ABLIM1: variants seen among roughly 807,000 people sequenced by gnomAD.
The protein encoded by ABLIM1 is actin-binding LIM protein 1.
ABLIM1 carries 40 observed loss-of-function variants against 107.0 expected under a neutral mutation model. The observed-to-expected ratio is 0.37, with a 90% CI of 0.29 to 0.49. The LOEUF (loss-of-function observed/expected upper bound fraction) is 0.49, where lower values mean the gene tolerates loss of function less well. Ranked by LOEUF, ABLIM1 falls within the 20% of genes least tolerant of loss-of-function variation. ABLIM1 has a pLI of 0.97. For missense variants in ABLIM1, 857 were observed against 1,008.5 expected, an observed-to-expected ratio of 0.85 and a Z score of 2.04; for synonymous variants, 357 against 357.3, an observed-to-expected ratio of 1.00 and a Z score of 0.01.
intron 1 of ABLIM1, among the ~76,000 whole-genome samples, chr10:114,640,724 C>A (rs1173955205): frequency 1.3e-5 from 2 of 152,038 alleles, no homozygotes; most frequent in African/African-American, 2.4e-5. Flanking sequence ...ATTGGCTTTG[C>A]ACAATAAAAG....
At chr10:114,694,909 G>T (rs2081164183) in intron 1 of ABLIM1, among the ~76,000 whole-genome samples, 1 of 152,152 alleles carries the variant, frequency 6.6e-6, no homozygotes, top group Admixed American at 6.5e-5. Flanking sequence ...ACATTGAGCC[G>T]CAGCAGCGCC....
At chr10:114,767,135 C>CAT (rs10651245) in intron 1 of ABLIM1, among the ~76,000 whole-genome samples, 113,497 of 151,780 alleles carry the variant, frequency 0.75, 42,816 homozygotes, top group African/African-American at 0.84. Context: ...TTATCCAACA[C>CAT]GTTATCAAAT....
At chr10:114,683,285 A>G (rs1442749527) in intron 1 of ABLIM1, among the ~76,000 whole-genome samples, 1 of 152,244 alleles carries the variant, frequency 6.6e-6, no homozygotes, top group Non-Finnish European at 1.5e-5. Context: ...TCGTCTTTCC[A>G]GTAAACGTCC....
intron 6 of ABLIM1, among the ~76,000 whole-genome samples, chr10:114,536,272 A>G (rs2137148481): frequency 2.0e-5 from 2 of 99,442 alleles, no homozygotes; most frequent in Non-Finnish European, 1.8e-5. Flanking sequence ...TTTGAGATGG[A>G]GTCTCACTCT....
chr10:114,521,224 T>A (rs1359062738), intron 6 of ABLIM1, among the ~76,000 whole-genome samples: 1 of 152,214 alleles, frequency 6.6e-6, no homozygotes, highest in Non-Finnish European at 1.5e-5. Flanking sequence ...GGCTGTATAA[T>A]CTGCGCTACC....
At chr10:114,676,215 A>G (rs1474992875) in intron 1 of ABLIM1, among the ~76,000 whole-genome samples, 2 of 152,238 alleles carry the variant, frequency 1.3e-5, no homozygotes, top group Non-Finnish European at 2.9e-5. Context: ...GCGATGGCTC[A>G]CGCCTCTAAT....
chr10:114,734,913 G>A lies in ABLIM1; in HGVS notation c.-213+33148C>T, dbSNP rs547473587. 2.5e-4 allele frequency among the ~76,000 whole-genome samples: 38 copies of A among 152,258 alleles called. 1 individual carries two copies. Among genetic ancestry groups the A allele is most frequent in the Non-Finnish European group, 5.1e-4 (35 of 68,014 alleles). On this transcript the variant is annotated intron_variant, in intron 1 of 15. Transcript: ENST00000651092. Reference sequence around the variant, plus strand: ...CTAAATAGCTAATAATTAAGTAAACGTAGGAAAGTTCTTGGCTGGAAGAGC... The same window carrying A: ...CTAAATAGCTAATAATTAAGTAAACATAGGAAAGTTCTTGGCTGGAAGAGC...
At chr10:114,719,602 G>A (rs1341895796) in intron 1 of ABLIM1, among the ~76,000 whole-genome samples, 2 of 152,194 alleles carry the variant, frequency 1.3e-5, no homozygotes, top group East Asian at 1.9e-4. Flanking sequence ...AGTTATAAGG[G>A]CATCTCTCTC....
chr10:114,437,897 T>C lies in ABLIM1; in HGVS notation c.2170A>G (p.Thr724Ala), dbSNP rs2059652561. 6.2e-6 allele frequency: 10 copies of C among 1,614,092 alleles called. No homozygotes were observed. In the African/African-American group the frequency reaches 9.3e-5, roughly 15 times the overall value. The change falls in exon 22 of 23, where the codon ACC becomes GCC. Residue 724 changes from threonine to alanine, a missense_variant. Transcript: ENST00000533213. ...KIFPYEMLMV[T>A]NRGRNKILRE... The stretch of plus-strand genomic sequence containing the variant: ...AGGATTTTGTTTCGCCCTCTGTTGG[T>C]CACCATGAGCATTTCATATGGAAAT...
intron 1 of ABLIM1, among the ~76,000 whole-genome samples, chr10:114,717,026 A>T (rs1197759360): frequency 6.7e-6 from 1 of 148,580 alleles, no homozygotes; most frequent in African/African-American, 2.4e-5. Context: ...CTGATGCCAA[A>T]GCATCATGGT....
chr10:114,517,609 G>A (rs931921275), intron 6 of ABLIM1, among the ~76,000 whole-genome samples: 4 of 151,606 alleles, frequency 2.6e-5, no homozygotes, highest in African/African-American at 7.3e-5. Flanking sequence ...TACTTTAAAG[G>A]GCGGGGAGGG....
rs2140951765 is a variant in ABLIM1, at chr10:114,642,395, A to G, written c.244+15562T>C. Among the ~76,000 whole-genome samples, 3 of 152,364 alleles carry G rather than the reference A, an allele frequency of 2.0e-5. No homozygotes were observed. The Middle Eastern group carries it at 0.01, about 518-fold the overall frequency. On this transcript the variant is annotated intron_variant, in intron 1 of 22. Transcript: ENST00000533213. Reference sequence around the variant, plus strand: ...AAAAAGGTTAGAGAAATTAAGAAATAAAAACCAAGGACAAAGATAATTTCA... The same window carrying G: ...AAAAAGGTTAGAGAAATTAAGAAATGAAAACCAAGGACAAAGATAATTTCA...
At chr10:114,483,372 G>C (rs12257628) in intron 8 of ABLIM1, among the ~76,000 whole-genome samples, 1 of 152,096 alleles carries the variant, frequency 6.6e-6, no homozygotes, top group African/African-American at 2.4e-5. Context: ...CCCAGGCTCA[G>C]GTGATCTTCC....
intron 1 of ABLIM1, among the ~76,000 whole-genome samples, chr10:114,740,211 A>T (rs1305214396): frequency 6.6e-6 from 1 of 152,036 alleles, no homozygotes; most frequent in Admixed American, 6.5e-5. Context: ...AAATGCTAGT[A>T]TGTGCCTCAA....
chr10:114,744,968 A>C (rs2082353484), intron 1 of ABLIM1, among the ~76,000 whole-genome samples: 2 of 152,128 alleles, frequency 1.3e-5, no homozygotes, highest in African/African-American at 2.4e-5. Flanking sequence ...TTTGCACTCC[A>C]AAACCTGTTC....
upstream of ABLIM1, among the ~76,000 whole-genome samples, chr10:114,685,186 G>A (rs1316623688): frequency 2.0e-5 from 3 of 152,092 alleles, no homozygotes; most frequent in African/African-American, 4.8e-5. Flanking sequence ...TTTGAACACC[G>A]GGAATTTTGC....
intron 6 of ABLIM1, among the ~76,000 whole-genome samples, chr10:114,541,261 G>T (rs1481595975): frequency 6.6e-6 from 1 of 151,654 alleles, no homozygotes; most frequent in East Asian, 1.9e-4. Context: ...CTCAGTTTAA[G>T]AACTAACCTC....
chr10:114,581,216 C>T (rs2073333727), intron 2 of ABLIM1, among the ~76,000 whole-genome samples: 1 of 152,078 alleles, frequency 6.6e-6, no homozygotes, highest in African/African-American at 2.4e-5. Flanking sequence ...ACAGGAGCTG[C>T]CCATGTAGTA....
At chr10:114,529,759 G>A (rs2065254098) in intron 6 of ABLIM1, among the ~76,000 whole-genome samples, 1 of 152,182 alleles carries the variant, frequency 6.6e-6, no homozygotes, top group Non-Finnish European at 1.5e-5. Context: ...GGGCGTGGTG[G>A]CTCACACCTG....
Sources: gnomAD v4.1 joint callset for allele counts (sites outside exome capture counted in the v4.1 genomes callset) on GRCh38, gnomAD v4.1.1 for gene constraint, MANE v1.5 for transcripts, NCBI Gene and HGNC (gene_info 2026-07-23, HGNC 2026-07-21) for gene names.